Variants in MTMR3 observed in about 807,000 individuals in gnomAD.
The protein encoded by MTMR3 is phosphatidylinositol-3,5-bisphosphate 3-phosphatase MTMR3.
Under a neutral mutation model 132.4 loss-of-function variants are expected in MTMR3, and 32 were observed. The observed-to-expected ratio is 0.24, with a 90% confidence interval of 0.18 to 0.32. The LOEUF (loss-of-function observed/expected upper bound fraction) is 0.32, where lower values mean the gene tolerates loss of function less well. MTMR3 is among the 10% of genes least tolerant of loss of function. The pLI, the probability that MTMR3 is intolerant of heterozygous loss-of-function variation, is 1.00. For synonymous variants in MTMR3, 556 were observed against 550.3 expected, an observed-to-expected ratio of 1.01 and a Z score of -0.14; for missense variants, 1,216 against 1,489.6, an observed-to-expected ratio of 0.82 and a Z score of 3.02.
At chr22:29,960,819 A>G (rs188392990) in intron 2 of MTMR3, among the ~76,000 whole-genome samples, 55 of 152,252 alleles carry the variant, frequency 3.6e-4, no homozygotes, top group Admixed American at 3.6e-3. Flanking sequence ...TGAGGCTATT[A>G]TCTTAACACT....
intron 2 of MTMR3, among the ~76,000 whole-genome samples, chr22:29,962,268 C>T (rs1229383096): frequency 6.6e-6 from 1 of 152,176 alleles, no homozygotes; most frequent in African/African-American, 2.4e-5. Flanking sequence ...ATAAAATTCA[C>T]ATACTATACA....
At chr22:29,903,374 T>A (rs182953209) in intron 1 of MTMR3, among the ~76,000 whole-genome samples, 27 of 147,240 alleles carry the variant, frequency 1.8e-4, no homozygotes, top group African/African-American at 6.4e-4. Flanking sequence ...TTGATTTTCT[T>A]TTTTTCTTTT....
At chr22:29,971,952 A>C (rs183062471) in intron 3 of MTMR3, among the ~76,000 whole-genome samples, 1 of 152,248 alleles carries the variant, frequency 6.6e-6, no homozygotes, top group Non-Finnish European at 1.5e-5. Flanking sequence ...ATTAATTTCA[A>C]GCTTCATTAG....
At position 29,889,668 on chromosome 22, in the gene MTMR3, T is replaced by A. The variant is rs552179133; in HGVS notation, c.-138+6309T>A. Among the ~76,000 whole-genome samples the A allele has an allele frequency of 4.4e-3, 677 of 152,244 alleles. 6 individuals carry two copies. Among genetic ancestry groups the A allele is most frequent in the African/African-American group, 0.015 (640 of 41,540 alleles). ...TGGATGTAATGTTTGGTATTTTTGT[T>A]TTTTTTCTTATACATATCTATTGAA... On this transcript the variant is annotated intron_variant, in intron 1 of 19. Coordinates refer to ENST00000401950, the MANE Select transcript of MTMR3 (RefSeq NM_021090.4).
intron 16 of MTMR3, chr22:30,019,090 C>A (rs552590807): frequency 5.9e-6 from 1 of 169,918 alleles, no homozygotes; most frequent in East Asian, 1.6e-4. Flanking sequence ...ACCTATAATC[C>A]CAGCTACTCA....
chr22:29,971,105 CTG>C (rs368160322), intron 3 of MTMR3, 43 bp downstream of exon 3: 680 of 1,571,716 alleles, frequency 4.3e-4, no homozygotes, highest in Middle Eastern at 1.0e-3. Context: ...ACAAAAAACC[CTG>C]TGTCCTGACA....
At chr22:29,939,832 G>A (rs111421404) in intron 1 of MTMR3, among the ~76,000 whole-genome samples, 13 of 152,088 alleles carry the variant, frequency 8.5e-5, no homozygotes, top group Admixed American at 2.6e-4. Context: ...TGACCTGCCC[G>A]TATACATCCA....
At chr22:29,935,185 G>C (rs1402808118) in intron 1 of MTMR3, among the ~76,000 whole-genome samples, 2 of 152,134 alleles carry the variant, frequency 1.3e-5, no homozygotes, top group Non-Finnish European at 2.9e-5. Context: ...TTGTACTATA[G>C]TATTTGATCA....
chr22:29,955,345 G>C (rs2145840644), intron 1 of MTMR3, among the ~76,000 whole-genome samples: 1 of 152,160 alleles, frequency 6.6e-6, no homozygotes, highest in East Asian at 1.9e-4. Context: ...AAAATAAAAA[G>C]GAAAATAATT....
chr22:29,993,231 C>T (rs1171512443), intron 7 of MTMR3: 3 of 152,198 alleles, frequency 2.0e-5, no homozygotes, highest in Non-Finnish European at 4.4e-5. Flanking sequence ...TAAACTGTCT[C>T]TCACTTCACT....
chr22:29,959,866 C>T (rs1041259155), intron 2 of MTMR3, among the ~76,000 whole-genome samples: 3 of 151,458 alleles, frequency 2.0e-5, no homozygotes, highest in African/African-American at 4.9e-5. Flanking sequence ...TCAAGTGATC[C>T]TCCCACCTCA....
At chr22:29,924,723 CTTTAA>C (rs1005516503) in intron 1 of MTMR3, among the ~76,000 whole-genome samples, 17 of 152,012 alleles carry the variant, frequency 1.1e-4, no homozygotes, top group African/African-American at 1.9e-4. Flanking sequence ...TTTGTGTATT[CTTTAA>C]TTTATTTTAG....
At chr22:29,952,693 G>A (rs936680339) in intron 1 of MTMR3, among the ~76,000 whole-genome samples, 1 of 152,156 alleles carries the variant, frequency 6.6e-6, no homozygotes, top group Non-Finnish European at 1.5e-5. Flanking sequence ...TACCACAGTA[G>A]CTGAATGTAG....
At chr22:30,003,712 A>C (rs1462233691) in intron 9 of MTMR3, 1 of 152,188 alleles carries the variant, frequency 6.6e-6, no homozygotes, top group Admixed American at 6.5e-5. Context: ...GGGGCTATAA[A>C]CACTGAGCTT....
At position 30,020,201 on chromosome 22, in the gene MTMR3, A is replaced by G. The variant is rs766176439; in HGVS notation, c.2542A>G (p.Met848Val). The G allele has an allele frequency of 1.9e-6, 3 of 1,614,188 alleles. No individual in the cohort carries two copies. Among genetic ancestry groups the G allele is most frequent in the Non-Finnish European group, 2.5e-6 (3 of 1,180,018 alleles). The change falls in exon 17 of 20, where the codon ATG becomes GTG. Residue 848 changes from methionine to valine, a missense_variant. By Grantham distance (21) the Met-to-Val change is conservative (BLOSUM62 1). Coordinates refer to ENST00000401950, the MANE Select transcript of MTMR3 (RefSeq NM_021090.4). ...RGPNVDSSTDMLVEDKVKSVS... is the reference protein window; with the variant it reads ...RGPNVDSSTDVLVEDKVKSVS... The stretch of plus-strand genomic sequence containing the variant: ...ACCAAACGTGGACAGTTCTACAGAC[A>G]TGTTAGTGGAAGATAAGGTGAAGTC...
In MTMR3 at chr22:30,012,404, T is replaced by A. The variant is rs1486849248; in HGVS notation, c.1158T>A (p.His386Gln). The A allele has an allele frequency of 6.2e-7, 1 of 1,613,924 alleles. No individual in the cohort carries two copies. The highest frequency in any genetic ancestry group is 8.5e-7 in the Non-Finnish European group (1 of 1,180,002). ...LSALESTKWL[H>Q]HLSVLLKSAL... is the part of the protein sequence containing the mutation. ...CTCTTGAAAGCACAAAATGGCTCCA[T>A]CACTTGTCTGTGCTTCTGAAATCAG... The change falls in exon 13 of 20, where the codon CAT becomes CAA. Residue 386 changes from histidine to glutamine, a missense_variant. By Grantham distance (24) the His-to-Gln change is conservative. This residue lies in a region of MTMR3 where 106 missense variants were observed against 209.5 expected (regional missense o/e 0.51). Transcript: ENST00000401950.
At chr22:29,947,054 C>G (rs529761123) in intron 1 of MTMR3, among the ~76,000 whole-genome samples, 1 of 152,230 alleles carries the variant, frequency 6.6e-6, no homozygotes, top group South Asian at 2.1e-4. Flanking sequence ...AGTGTAAGTT[C>G]TTTCCAAGGT....
At chr22:29,892,535 A>G (rs1201573822) in intron 1 of MTMR3, among the ~76,000 whole-genome samples, 1 of 152,158 alleles carries the variant, frequency 6.6e-6, no homozygotes, top group Non-Finnish European at 1.5e-5. Flanking sequence ...CAAACTTTCC[A>G]TGATGATTCT....
At chr22:29,911,359 C>A (rs1056822710) in intron 1 of MTMR3, among the ~76,000 whole-genome samples, 1 of 151,834 alleles carries the variant, frequency 6.6e-6, no homozygotes, top group Non-Finnish European at 1.5e-5. Context: ...GCCTGGGCAA[C>A]GTAGGGAGAC....
Sources: allele counts gnomAD v4.1 joint callset (sites outside exome capture counted in the v4.1 genomes callset), GRCh38; gene constraint gnomAD v4.1.1; regional missense constraint gnomAD v4.1.1; transcripts MANE v1.5; gene names NCBI Gene and HGNC (gene_info 2026-07-23, HGNC 2026-07-21).